The following TNNI3K variants were observed in gnomAD, a reference collection of about 807,000 sequenced individuals.
The protein encoded by TNNI3K is TNNI3 interacting kinase, also known as serine/threonine-protein kinase TNNI3K.
In TNNI3K, 140 loss-of-function variants were observed where a neutral mutation model predicts 114.5. That is an observed-to-expected ratio of 1.22 (90% CI 1.07 to 1.41). TNNI3K has a LOEUF of 1.41. Among genes scored for constraint, TNNI3K ranks in the 40% most tolerant of loss-of-function variants. The pLI, the probability that TNNI3K is intolerant of heterozygous loss-of-function variation, is 0.00. For synonymous variants in TNNI3K, 347 were observed against 347.5 expected, an observed-to-expected ratio of 1.00 and a Z score of 0.02; for missense variants, 1,125 against 1,007.6, an observed-to-expected ratio of 1.12 and a Z score of -1.58.
chr1:74,433,820 A>G (rs1306675847), intron 17 of TNNI3K, among the ~76,000 whole-genome samples: 1 of 152,082 alleles, frequency 6.6e-6, no homozygotes, highest in Non-Finnish European at 1.5e-5. Flanking sequence ...CTAAGCCACT[A>G]GTTTATTCAC....
intron 5 of TNNI3K, among the ~76,000 whole-genome samples, chr1:74,277,880 A>T (rs1464146317): frequency 6.6e-6 from 1 of 152,208 alleles, no homozygotes; most frequent in Non-Finnish European, 1.5e-5. Flanking sequence ...TCCCATTTTC[A>T]AATTGTAAAC....
chr1:74,305,757 AAAAG>A (rs1557486772), intron 5 of TNNI3K, among the ~76,000 whole-genome samples: 1 of 152,226 alleles, frequency 6.6e-6, no homozygotes, highest in African/African-American at 2.4e-5. Flanking sequence ...TAAAATTTGC[AAAAG>A]AAAGAACTCA....
intron 17 of TNNI3K, among the ~76,000 whole-genome samples, chr1:74,389,766 T>C (rs1663670489): frequency 6.6e-6 from 1 of 152,142 alleles, no homozygotes; most frequent in Non-Finnish European, 1.5e-5. Flanking sequence ...CCTTTAGAAG[T>C]TGGAAAGGGC....
intron 23 of TNNI3K, among the ~76,000 whole-genome samples, chr1:74,500,650 A>G (rs1267749878): frequency 7.3e-6 from 1 of 136,650 alleles, no homozygotes; most frequent in South Asian, 2.2e-4. Flanking sequence ...AAAAAAAAAA[A>G]AAAAAAAAAT....
intron 5 of TNNI3K, among the ~76,000 whole-genome samples, chr1:74,278,897 T>C (rs900434107): frequency 2.3e-4 from 35 of 152,200 alleles, no homozygotes; most frequent in African/African-American, 7.2e-4. Context: ...TGTGTAAAGT[T>C]TTCAAGGTTC....
intron 17 of TNNI3K, among the ~76,000 whole-genome samples, chr1:74,405,438 A>T (rs1004338790): frequency 1.3e-5 from 2 of 152,202 alleles, no homozygotes; most frequent in Non-Finnish European, 1.5e-5. Flanking sequence ...AGAATTGAAA[A>T]GTGGTAAATA....
intron 17 of TNNI3K, among the ~76,000 whole-genome samples, chr1:74,406,287 T>C (rs892686934): frequency 3.3e-5 from 5 of 152,248 alleles, no homozygotes; most frequent in Non-Finnish European, 5.9e-5. Context: ...CAAAAATGTG[T>C]AAACTTTCTT....
intron 11 of TNNI3K, among the ~76,000 whole-genome samples, chr1:74,359,874 A>AT (rs568319698): frequency 4.7e-5 from 7 of 150,412 alleles, no homozygotes; most frequent in East Asian, 2.0e-4. Flanking sequence ...TGAACTTAAC[A>AT]TTTTTTTTTG....
At chr1:74,330,366 A>G (rs1289894001) in intron 5 of TNNI3K, among the ~76,000 whole-genome samples, 1 of 152,146 alleles carries the variant, frequency 6.6e-6, no homozygotes, top group Non-Finnish European at 1.5e-5. Flanking sequence ...TTATCAGCCC[A>G]GAGAAGTCAC....
At chr1:74,348,468 CT>C (rs1352595467) in intron 9 of TNNI3K, among the ~76,000 whole-genome samples, 1 of 152,270 alleles carries the variant, frequency 6.6e-6, no homozygotes, top group East Asian at 1.9e-4. Context: ...TTAGGATTGA[CT>C]TGGCAATGCG....
intron 6 of TNNI3K, among the ~76,000 whole-genome samples, chr1:74,334,262 C>T (rs139978616): frequency 6.6e-5 from 10 of 152,232 alleles, no homozygotes; most frequent in African/African-American, 2.4e-4. Flanking sequence ...AACTCAGTTC[C>T]CCACATCACA....
At chr1:74,541,931 G>A (rs1646731573) in intron 24 of TNNI3K, among the ~76,000 whole-genome samples, 1 of 152,160 alleles carries the variant, frequency 6.6e-6, no homozygotes, top group Non-Finnish European at 1.5e-5. Flanking sequence ...CCCCTGCTTT[G>A]CCGCCAAAGA....
chr1:74,278,725 C>G (rs1339574934), intron 5 of TNNI3K, among the ~76,000 whole-genome samples: 1 of 152,024 alleles, frequency 6.6e-6, no homozygotes, highest in East Asian at 1.9e-4. Context: ...TTTTGTCACC[C>G]AAAAAGGAAA....
At chr1:74,325,822 A>G (rs1028564258) in intron 5 of TNNI3K, among the ~76,000 whole-genome samples, 2 of 152,202 alleles carry the variant, frequency 1.3e-5, no homozygotes, top group Non-Finnish European at 2.9e-5. Context: ...AAATAACTGG[A>G]AAAAATATCA....
intron 17 of TNNI3K, among the ~76,000 whole-genome samples, chr1:74,426,967 G>A (rs181473099): frequency 6.6e-6 from 1 of 152,208 alleles, no homozygotes; most frequent in Admixed American, 6.5e-5. Context: ...GATTCATTAG[G>A]TGGCCTTGGG....
chr1:74,370,271 C>T lies in TNNI3K; in HGVS notation c.1668-17C>T. ...TTTGACCATTTCATCTCTGTTAAATCTATTTTTAAATTCTAGGATTCTTGA... is the reference window on the plus strand; with the variant it reads ...TTTGACCATTTCATCTCTGTTAAATTTATTTTTAAATTCTAGGATTCTTGA... On this transcript the variant is annotated splice_polypyrimidine_tract_variant and intron_variant, in intron 16 of 24. Transcript: ENST00000326637. 1.3e-6 allele frequency: 2 copies of T among 1,569,490 alleles called. No individual in the cohort carries two copies. Among genetic ancestry groups the T allele is most frequent in the Non-Finnish European group, 1.7e-6 (2 of 1,155,196 alleles).
In TNNI3K at chr1:74,463,538, C is replaced by T. The variant is rs573557170; in HGVS notation, c.2109C>T (p.Asn703=). The T allele has an allele frequency of 9.9e-6, 16 of 1,614,162 alleles. No homozygotes were observed. The highest frequency in any genetic ancestry group is 4.5e-5 in the East Asian group (2 of 44,888). ...CATCTCTGCTGATACGAGGGTGGAA[C>T]GCATGTCCTGAAGTGAGTAATTTTT... ...PISSLLIRGW[N]ACPEGRPEFS... The change falls in exon 21 of 25, where the codon AAC becomes AAT. Residue 703 remains asparagine, a synonymous_variant. Coordinates refer to ENST00000326637, the MANE Select transcript of TNNI3K (RefSeq NM_015978.3).
chr1:74,336,380 A>G (rs1170058473), intron 7 of TNNI3K, among the ~76,000 whole-genome samples: 1 of 152,148 alleles, frequency 6.6e-6, no homozygotes, highest in African/African-American at 2.4e-5. Context: ...TTTAAGTTTT[A>G]GGGTACATGT....
At chr1:74,441,291 C>T (rs1271874135) in intron 20 of TNNI3K, among the ~76,000 whole-genome samples, 1 of 152,104 alleles carries the variant, frequency 6.6e-6, no homozygotes, top group African/African-American at 2.4e-5. Flanking sequence ...TCATTTCTGT[C>T]CGGATAAGCT....
Sources: allele counts gnomAD v4.1 joint callset (sites outside exome capture counted in the v4.1 genomes callset), GRCh38; gene constraint gnomAD v4.1.1; transcripts MANE v1.5; gene names NCBI Gene and HGNC (gene_info 2026-07-23, HGNC 2026-07-21).